SESN1: variants seen among roughly 807,000 people sequenced by gnomAD.
SESN1 encodes sestrin 1.
A neutral mutation model predicts 59.3 loss-of-function variants in SESN1; 30 were observed. The ratio of observed to expected loss-of-function variants is 0.51; its 90% CI spans 0.38 to 0.69. The LOEUF (loss-of-function observed/expected upper bound fraction) is 0.69, where lower values mean the gene tolerates loss of function less well. Among genes scored for constraint, SESN1 ranks in the 30% least tolerant of loss-of-function variants. The pLI is 0.00. For missense variants in SESN1, 566 were observed against 673.0 expected (o/e 0.84, Z 1.76); for synonymous variants, 197 against 219.9 (o/e 0.90, Z 0.92).
chr6:109,002,306 C>G lies in SESN1; in HGVS notation c.317G>C (p.Gly106Ala), dbSNP rs1779643089. Residue 106 changes from glycine (G) to alanine (A), a missense_variant, in exon 2 of 10, where the codon GGA (glycine) becomes GCA (alanine). Gly to Ala is a moderately conservative substitution (Grantham distance 60). Transcript: ENST00000436639. ...GIRIPRPLGQ[G>A]PSRFIPEKEI... ...CTTTTCTGGGATGAATCTGCTTGGT[C>G]CCTGTCCTAGTGGTCGAGGAATTCT... 1 of 1,613,274 alleles carries G rather than the reference C, an allele frequency of 6.2e-7. No homozygotes were observed. Among genetic ancestry groups the G allele is most frequent in the African/African-American group, 1.3e-5 (1 of 74,886 alleles).
chr6:109,037,499 T>C (rs1169661854), intron 1 of SESN1, among the ~76,000 whole-genome samples: 1 of 152,196 alleles, frequency 6.6e-6, no homozygotes, highest in Non-Finnish European at 1.5e-5. Flanking sequence ...CAATTATTAA[T>C]ATATTCAGCA....
intron 1 of SESN1, among the ~76,000 whole-genome samples, chr6:109,015,992 A>G (rs1425441582): frequency 1.3e-5 from 2 of 152,218 alleles, no homozygotes; most frequent in South Asian, 2.1e-4. Context: ...TTAGCCAGGC[A>G]TAATATTAAA....
chr6:108,998,479 G>A, intron 5 of SESN1, 34 bp downstream of exon 5: 1 of 1,610,582 alleles, frequency 6.2e-7, no homozygotes, highest in Non-Finnish European at 8.5e-7. Flanking sequence ...ATTGTGATTA[G>A]TTTTATGACA....
chr6:108,992,953 G>A, intron 6 of SESN1, 54 bp from the exon 7 acceptor site: 1 of 1,182,948 alleles, frequency 8.5e-7, no homozygotes, highest in South Asian at 1.3e-5. Flanking sequence ...AGTTAAAATT[G>A]ATTTTACCCA....
rs966481417 is a variant in SESN1 at position 109,062,747 on chromosome 6, T to C, written c.279+31048A>G. Among the ~76,000 whole-genome samples, 15 of 152,248 alleles carry C rather than the reference T, an allele frequency of 9.9e-5. No individual in the cohort carries two copies. The Middle Eastern group carries it at 0.014, about 138-fold the overall frequency. Reference sequence around the variant, plus strand: ...AGTACTGAACCCCCTATGTACTATGTTTTCTCTTATACATACATAGCTATG... The same window carrying C: ...AGTACTGAACCCCCTATGTACTATGCTTTCTCTTATACATACATAGCTATG... On this transcript the variant is annotated intron_variant, in intron 1 of 9. Transcript: ENST00000436639.
At chr6:108,987,753 A>AC (rs1465698544) in intron 9 of SESN1, 123 bp from the exon 10 acceptor site, 1 of 496,808 alleles carries the variant, frequency 2.0e-6, no homozygotes, top group East Asian at 3.2e-5. Context: ...GTACAGCATA[A>AC]CTTAGCCTTG....
chr6:109,022,492 G>C (rs987478467), intron 1 of SESN1, among the ~76,000 whole-genome samples: 1 of 131,022 alleles, frequency 7.6e-6, no homozygotes, highest in Non-Finnish European at 1.5e-5. Context: ...GCGCGATCTC[G>C]GCTCATTGCA....
chr6:108,991,270 C>T (rs1223159045), intron 7 of SESN1, among the ~76,000 whole-genome samples: 1 of 151,932 alleles, frequency 6.6e-6, no homozygotes, highest in Non-Finnish European at 1.5e-5. Context: ...GAGACAAGGT[C>T]TCACTATGTT....
At position 109,057,424 on chromosome 6, in the gene SESN1, T is replaced by C. The variant is rs963387360; in HGVS notation, c.279+36371A>G. Reference sequence around the variant, plus strand: ...TCACACCGGCTCTGGACTGCCTAATTAAGACTTCTTGTGGAGGCAGACCCC... The same window carrying C: ...TCACACCGGCTCTGGACTGCCTAATCAAGACTTCTTGTGGAGGCAGACCCC... On this transcript the variant is annotated intron_variant, in intron 1 of 9. Coordinates refer to ENST00000436639, the MANE Select transcript of SESN1 (RefSeq NM_014454.3). Among the ~76,000 whole-genome samples, 32 of 152,302 alleles carry C rather than the reference T, an allele frequency of 2.1e-4. 1 individual carries two copies. The highest frequency in any genetic ancestry group is 7.5e-4 in the African/African-American group (31 of 41,560).
At chr6:109,079,695 T>C (rs1781088479) in intron 1 of SESN1, among the ~76,000 whole-genome samples, 1 of 152,222 alleles carries the variant, frequency 6.6e-6, no homozygotes, top group Admixed American at 6.5e-5. Flanking sequence ...TAGGTGAGTT[T>C]GCTTTTTAAG....
At chr6:109,061,361 A>G (rs1422990479) in intron 1 of SESN1, among the ~76,000 whole-genome samples, 1 of 152,252 alleles carries the variant, frequency 6.6e-6, no homozygotes, top group East Asian at 1.9e-4. Context: ...TAACATGTAA[A>G]ATAAAAATTT....
chr6:109,082,932 C>T (rs762500710), intron 1 of SESN1, among the ~76,000 whole-genome samples: 1 of 152,148 alleles, frequency 6.6e-6, no homozygotes, highest in Non-Finnish European at 1.5e-5. Context: ...ACAATCATCA[C>T]CAATATTTGT....
intron 4 of SESN1, 117 bp downstream of exon 4, chr6:109,000,374 G>C: frequency 1.4e-6 from 1 of 703,564 alleles, no homozygotes; most frequent in Non-Finnish European, 2.2e-6. Flanking sequence ...TGTGGGAAGA[G>C]ATTCAGGGGG....
At chr6:108,992,951 TTGATTTTACCCAAAGGAGTAAAAA>T in intron 6 of SESN1, 52 bp from the exon 7 acceptor site, 1 of 1,218,386 alleles carries the variant, frequency 8.2e-7, no homozygotes, top group East Asian at 2.3e-5. Flanking sequence ...CTAGTTAAAA[TTGATTTTACCCAAAGGAGTAAAAA>T]TGGCATAACT....
chr6:109,077,407 T>G (rs1157061821), intron 1 of SESN1, among the ~76,000 whole-genome samples: 1 of 152,200 alleles, frequency 6.6e-6, no homozygotes, highest in African/African-American at 2.4e-5. Context: ...TGTTTCCTCA[T>G]CTATAAAAAC....
chr6:108,987,806 C>CTTTTTTT (rs3029194), intron 9 of SESN1, among the ~76,000 whole-genome samples, 176 bp from the exon 10 acceptor site: 1,940 of 135,482 alleles, frequency 0.014, 101 homozygotes, highest in African/African-American at 0.049. Flanking sequence ...CAGCAGCTAT[C>CTTTTTTT]TTTTTTTTTT....
chr6:109,036,467 G>A (rs1366982739), intron 1 of SESN1, among the ~76,000 whole-genome samples: 1 of 152,152 alleles, frequency 6.6e-6, no homozygotes, highest in East Asian at 1.9e-4. Flanking sequence ...TTGGCTCCAG[G>A]AGAATGAAAA....
intron 1 of SESN1, 87 bp downstream of exon 1, chr6:109,093,708 C>G: frequency 7.5e-7 from 1 of 1,327,556 alleles, no homozygotes; most frequent in African/African-American, 1.5e-5. Context: ...ACATAACAAC[C>G]TAATAGAAAC....
chr6:109,063,649 T>C (rs554355818), intron 1 of SESN1, among the ~76,000 whole-genome samples: 2 of 152,308 alleles, frequency 1.3e-5, no homozygotes, highest in South Asian at 4.1e-4. Flanking sequence ...TTTTCCTATG[T>C]ACCCTTGCTG....
Sources: allele counts gnomAD v4.1 joint callset (sites outside exome capture counted in the v4.1 genomes callset), GRCh38; gene constraint gnomAD v4.1.1; transcripts MANE v1.5; gene names NCBI Gene and HGNC (gene_info 2026-07-23, HGNC 2026-07-21).